Variants in ADCYAP1R1 observed in about 807,000 individuals in gnomAD.
ADCYAP1R1 encodes the protein pituitary adenylate cyclase-activating polypeptide type I receptor.
Under a neutral mutation model 67.6 loss-of-function variants are expected in ADCYAP1R1, and 44 were observed. That is an observed-to-expected ratio of 0.65 (90% CI 0.51 to 0.84). The LOEUF (loss-of-function observed/expected upper bound fraction) is 0.84. ADCYAP1R1 is among the 40% of genes least tolerant of loss of function. The pLI is 0.00. For missense variants in ADCYAP1R1, 477 were observed against 587.9 expected, an observed-to-expected ratio of 0.81 and a Z score of 1.95; for synonymous variants, 222 against 219.6, an observed-to-expected ratio of 1.01 and a Z score of -0.10.
chr7:31,054,639 G>T (rs917019300), intron 1 of ADCYAP1R1, among the ~76,000 whole-genome samples: 1 of 152,252 alleles, frequency 6.6e-6, no homozygotes, highest in Non-Finnish European at 1.5e-5. Context: ...GTCCCAGGTT[G>T]CCGCCCTCCC....
intron 5 of ADCYAP1R1, among the ~76,000 whole-genome samples, chr7:31,080,956 C>G (rs1795491542): frequency 6.6e-6 from 1 of 152,180 alleles, no homozygotes; most frequent in African/African-American, 2.4e-5. Flanking sequence ...TGCATATGCC[C>G]AGACCTGAAC....
chr7:31,068,645 T>C (rs1023105923), intron 3 of ADCYAP1R1, among the ~76,000 whole-genome samples: 2 of 152,194 alleles, frequency 1.3e-5, no homozygotes, highest in African/African-American at 2.4e-5. Flanking sequence ...GAATGAGGTC[T>C]CGGCCTCTAA....
chr7:31,089,077 C>T (rs1795862463), intron 12 of ADCYAP1R1, among the ~76,000 whole-genome samples: 1 of 152,048 alleles, frequency 6.6e-6, no homozygotes, highest in African/African-American at 2.4e-5. Flanking sequence ...TTATGTTTAC[C>T]TCTAAGGTGT....
chr7:31,062,238 TC>T (rs1329588918), intron 1 of ADCYAP1R1, among the ~76,000 whole-genome samples: 4 of 152,196 alleles, frequency 2.6e-5, no homozygotes, highest in Non-Finnish European at 5.9e-5. Context: ...CGTGCTGGGC[TC>T]TTGCAGCCTC....
chr7:31,079,900 T>TG (rs1242961555), intron 4 of ADCYAP1R1, among the ~76,000 whole-genome samples: 1 of 152,328 alleles, frequency 6.6e-6, no homozygotes, highest in East Asian at 1.9e-4. Context: ...ACAGTGGGAC[T>TG]GGGGGGCAGT....
Position 31,106,745 on chromosome 7 carries a change from G to T in ADCYAP1R1, c.*61G>T. The T allele has an allele frequency of 6.7e-7, 1 of 1,493,248 alleles. No homozygotes were observed. 92.5% of individuals were successfully genotyped at this position (1,493,248 alleles called of 1,614,324 possible). ...AGGCTGGGACCGCAGGCAGGTGCCA[G>T]CCCACGCATGTTTGCGCCTCTTCCC... On this transcript the variant is annotated 3_prime_UTR_variant, in exon 16 of 16. Coordinates refer to ENST00000304166, the MANE Select transcript of ADCYAP1R1 (RefSeq NM_001118.5).
rs775811808 is a variant in ADCYAP1R1 at position 31,104,925 on chromosome 7, T to A, written c.1218+16T>A. On this transcript the variant is annotated intron_variant, in intron 15 of 15. Transcript: ENST00000304166. ...GAATGGTGAGGTAAGACCTTGGCCC[T>A]CTGGCTTCTTGGCAGTGGAAGTGGG... 1 of 1,614,058 alleles carries A rather than the reference T, an allele frequency of 6.2e-7. No homozygotes were observed. Among genetic ancestry groups the A allele is most frequent in the East Asian group, 2.2e-5 (1 of 44,878 alleles).
At chr7:31,066,264 C>T (rs1384092337) in intron 3 of ADCYAP1R1, among the ~76,000 whole-genome samples, 2 of 152,204 alleles carry the variant, frequency 1.3e-5, no homozygotes, top group Non-Finnish European at 2.9e-5. Context: ...GGCCATTGTT[C>T]CTGCATTGCG....
chr7:31,077,280 C>T (rs118010198), intron 3 of ADCYAP1R1, among the ~76,000 whole-genome samples: 2,645 of 150,600 alleles, frequency 0.018, 34 homozygotes, highest in Middle Eastern at 0.032. Flanking sequence ...GGGTGTGGTG[C>T]ATGTGTGCAC....
chr7:31,079,236 CCAT>C (rs1228763355), intron 4 of ADCYAP1R1, among the ~76,000 whole-genome samples: 1 of 152,208 alleles, frequency 6.6e-6, no homozygotes, highest in Non-Finnish European at 1.5e-5. Flanking sequence ...GTGAACTCCT[CCAT>C]GGGCCTTCTA....
chr7:31,060,146 T>C (rs1316795213), intron 1 of ADCYAP1R1, among the ~76,000 whole-genome samples: 2 of 152,084 alleles, frequency 1.3e-5, no homozygotes, highest in Non-Finnish European at 2.9e-5. Context: ...CTGGAGCTTG[T>C]CTTCAGTCCA....
chr7:31,056,677 T>C (rs1274560327), intron 1 of ADCYAP1R1, among the ~76,000 whole-genome samples: 2 of 152,160 alleles, frequency 1.3e-5, no homozygotes, highest in East Asian at 3.9e-4. Context: ...TCAGGGTACA[T>C]TTCTGCCTGC....
At chr7:31,055,526 A>T (rs1794202898) in intron 1 of ADCYAP1R1, among the ~76,000 whole-genome samples, 1 of 152,178 alleles carries the variant, frequency 6.6e-6, no homozygotes, top group Non-Finnish European at 1.5e-5. Flanking sequence ...CTCTGTTCTG[A>T]TACATTTTAT....
chr7:31,056,947 C>G (rs1254720591), intron 1 of ADCYAP1R1: 1 of 152,182 alleles, frequency 6.6e-6, no homozygotes, highest in Non-Finnish European at 1.5e-5. Flanking sequence ...GTTTTCTGGG[C>G]ACTCGTGTGT....
At chr7:31,092,621 C>CT (rs112436908) in intron 12 of ADCYAP1R1, 23 bp from the exon 13 acceptor site, 57,104 of 1,308,950 alleles carry the variant, frequency 0.044, 1 homozygote, top group Non-Finnish European at 0.049. Context: ...TGTCCATCTG[C>CT]TTTTTTTTTT....
At chr7:31,068,048 T>C (rs1794815420) in intron 3 of ADCYAP1R1, among the ~76,000 whole-genome samples, 1 of 152,042 alleles carries the variant, frequency 6.6e-6, no homozygotes, top group Non-Finnish European at 1.5e-5. Context: ...GATCTGGGCT[T>C]CAGAGGGCAG....
At chr7:31,054,453 C>A (rs1417916382) in intron 1 of ADCYAP1R1, among the ~76,000 whole-genome samples, 1 of 152,174 alleles carries the variant, frequency 6.6e-6, no homozygotes, top group Non-Finnish European at 1.5e-5. Context: ...CTTTGGGACC[C>A]ATGGCTTTTC....
At chr7:31,106,385 A>T (rs910833170) in intron 15 of ADCYAP1R1, 111 bp from the exon 16 acceptor site, 3 of 1,286,420 alleles carry the variant, frequency 2.3e-6, no homozygotes, top group Non-Finnish European at 3.1e-6. Context: ...GGGAGTGGGG[A>T]GGGTGCTGAG....
At chr7:31,088,161 G>A (rs1049638847) in intron 12 of ADCYAP1R1, among the ~76,000 whole-genome samples, 1 of 152,186 alleles carries the variant, frequency 6.6e-6, no homozygotes, top group African/African-American at 2.4e-5. Flanking sequence ...TAATTTTAAT[G>A]TACATTTCTC....
Sources: gnomAD v4.1 joint callset for allele counts (sites outside exome capture counted in the v4.1 genomes callset) on GRCh38, gnomAD v4.1.1 for gene constraint, MANE v1.5 for transcripts, NCBI Gene and HGNC (gene_info 2026-07-23, HGNC 2026-07-21) for gene names.